ENTPD5: variants seen among roughly 807,000 people sequenced by gnomAD.
ENTPD5 encodes the protein ectonucleoside triphosphate diphosphohydrolase 5 (inactive), also known as nucleoside diphosphate phosphatase ENTPD5.
ENTPD5 carries 49 observed loss-of-function variants against 60.2 expected under a neutral mutation model. The observed-to-expected ratio is 0.81, with a 90% confidence interval of 0.65 to 1.03. ENTPD5 has a LOEUF of 1.03. ENTPD5 is among the 50% of genes least tolerant of loss of function. The pLI is 0.00. For synonymous variants in ENTPD5, 187 were observed against 185.4 expected (o/e 1.01, Z -0.07); for missense variants, 480 against 507.6 (o/e 0.95, Z 0.52).
rs767802270 is a variant in ENTPD5, at chr14:73,972,995, C to T, written c.916G>A (p.Glu306Lys). 13 of 1,614,080 alleles carry T rather than the reference C, an allele frequency of 8.1e-6. No individual in the cohort carries two copies. The highest frequency in any genetic ancestry group is 3.3e-5 in the South Asian group (3 of 91,084). Residue 306 changes from glutamate (E) to lysine (K), a missense_variant, in exon 13 of 16, where the codon GAA becomes AAA. Glu to Lys is a moderately conservative substitution (Grantham distance 56). Coordinates refer to ENST00000334696, the MANE Select transcript of ENTPD5 (RefSeq NM_001249.5). ...GEVGFEPCYA[E>K]VLRVVRGKLH... ...TTTCCTCGTACCACCCTCAGCACTT[C>T]GGCATAGCAGGGCTCAAAGCCCACC...
At chr14:73,958,708 C>T, downstream of ENTPD5, 1 of 1,379,656 alleles carries the variant, frequency 7.2e-7, no homozygotes, top group South Asian at 1.5e-5. Context: ...TTATTGCTCT[C>T]TAGTTCAAAT....
chr14:73,973,168 G>A (rs578209404), intron 12 of ENTPD5, 144 bp from the exon 13 acceptor site: 17 of 976,146 alleles, frequency 1.7e-5, no homozygotes, highest in Admixed American at 1.4e-4. Flanking sequence ...GACAAGAGGC[G>A]TCAAAACAAA....
At chr14:73,986,728 TGAATA>T in intron 5 of ENTPD5, 81 bp downstream of exon 5, 1 of 911,582 alleles carries the variant, frequency 1.1e-6, no homozygotes, top group Non-Finnish European at 1.8e-6. Flanking sequence ...ATCTCATTAG[TGAATA>T]GCATGAAATA....
chr14:73,964,569 G>C lies in ENTPD5; in HGVS notation c.*2359C>G, dbSNP rs986590801. On this transcript the variant is annotated 3_prime_UTR_variant, in exon 16 of 16. Transcript: ENST00000334696. Reference sequence around the variant, plus strand: ...TGGCCCCCACAGTGATTAAAGACCAGAGACTTATATCTCTGCATTTGTCAA... The same window carrying C: ...TGGCCCCCACAGTGATTAAAGACCACAGACTTATATCTCTGCATTTGTCAA... 6.6e-6 allele frequency: 1 copy of C among 152,170 alleles called. No individual in the cohort carries two copies. Among genetic ancestry groups the C allele is most frequent in the Non-Finnish European group, 1.5e-5 (1 of 68,030 alleles). The allele number at this position is 152,170 out of a possible 1,614,324, so 9.4% of individuals were successfully genotyped here. A position where few individuals can be genotyped will look rare whatever the true frequency, so the allele number is the denominator to read the frequency against.
intron 6 of ENTPD5, among the ~76,000 whole-genome samples, chr14:73,978,247 A>C (rs1397379766): frequency 6.7e-6 from 1 of 150,094 alleles, no homozygotes; most frequent in Non-Finnish European, 1.5e-5. Flanking sequence ...TTTGTTCTCA[A>C]AACAGCAGCC....
At chr14:73,976,044 T>G in intron 9 of ENTPD5, 29 bp from the exon 10 acceptor site, 1 of 1,574,570 alleles carries the variant, frequency 6.4e-7, no homozygotes, top group Non-Finnish European at 8.7e-7. Context: ...AAAAAGACTA[T>G]TCAGGATCTG....
intron 3 of ENTPD5, among the ~76,000 whole-genome samples, chr14:73,995,685 GT>G (rs1566751767): frequency 6.6e-6 from 1 of 151,760 alleles, no homozygotes; most frequent in Non-Finnish European, 1.5e-5. Flanking sequence ...TTCAGTGAAG[GT>G]TTTCCCCACA....
chr14:74,009,550 A>G (rs929464976), intron 3 of ENTPD5, among the ~76,000 whole-genome samples: 6 of 152,234 alleles, frequency 3.9e-5, no homozygotes, highest in African/African-American at 1.4e-4. Flanking sequence ...ACATTTTCCC[A>G]AATTTGTCTT....
chr14:73,966,845 C>T lies in ENTPD5; in HGVS notation c.*83G>A. ...CTCTAGGCTCAAGTCCAGGATGTCC[C>T]CAGACTAGTTCAGAAACTAAGTGCT... On this transcript the variant is annotated 3_prime_UTR_variant, in exon 16 of 16. Transcript: ENST00000334696. 9.6e-7 allele frequency: 1 copy of T among 1,042,172 alleles called. No homozygotes were observed. Among genetic ancestry groups the T allele is most frequent in the Admixed American group, 1.8e-5 (1 of 54,212 alleles). 64.6% of individuals were successfully genotyped at this position (1,042,172 alleles called of 1,614,324 possible).
chr14:74,002,751 T>G (rs989135039), intron 3 of ENTPD5, among the ~76,000 whole-genome samples: 2 of 152,200 alleles, frequency 1.3e-5, no homozygotes, highest in Admixed American at 1.3e-4. Flanking sequence ...TTGTCTCCTT[T>G]TAACAAACAA....
At chr14:74,017,318 CAA>C (rs34009014) in intron 1 of ENTPD5, among the ~76,000 whole-genome samples, 1 of 92,362 alleles carries the variant, frequency 1.1e-5, no homozygotes, top group Non-Finnish European at 2.0e-5. Context: ...AACTCCATCT[CAA>C]AAAAAAAGAA....
intron 6 of ENTPD5, among the ~76,000 whole-genome samples, chr14:73,980,415 C>T (rs912902963): frequency 6.6e-6 from 1 of 151,350 alleles, no homozygotes; most frequent in Non-Finnish European, 1.5e-5. Context: ...AGGCGTGAGC[C>T]ACCATGCCCA....
At chr14:73,959,487 G>C (rs754534028), downstream of ENTPD5, 1 of 1,614,194 alleles carries the variant, frequency 6.2e-7, no homozygotes, top group East Asian at 2.2e-5. Context: ...TAGCATGGAT[G>C]AGGAAAAATT....
At chr14:73,976,043 A>G in intron 9 of ENTPD5, 28 bp from the exon 10 acceptor site, 2 of 1,575,284 alleles carry the variant, frequency 1.3e-6, no homozygotes, top group Non-Finnish European at 8.7e-7. Context: ...CAAAAAGACT[A>G]TTCAGGATCT....
chr14:74,001,684 A>AAAAAAAAC (rs2058515143), intron 3 of ENTPD5, among the ~76,000 whole-genome samples: 1 of 145,336 alleles, frequency 6.9e-6, no homozygotes, highest in Non-Finnish European at 1.5e-5. Flanking sequence ...AAAAAAAAAA[A>AAAAAAAAC]AAAAAAAAAA....
chr14:73,999,952 G>C (rs940320772), intron 3 of ENTPD5, among the ~76,000 whole-genome samples: 5 of 151,712 alleles, frequency 3.3e-5, no homozygotes, highest in African/African-American at 1.2e-4. Context: ...GCCAGGCATG[G>C]TGGCATGCAC....
In ENTPD5 at chr14:73,964,496, T is replaced by C. The variant is rs1333981736; in HGVS notation, c.*2432A>G. On this transcript the variant is annotated 3_prime_UTR_variant, in exon 16 of 16. Transcript: ENST00000334696. ...CATCTTCCCTGGAGTTCAGAGGTAT[T>C]TGGGATGACCAAAGGAGTCTGCTGG... The C allele has an allele frequency of 6.6e-6, 1 of 152,212 alleles. No homozygotes were observed. The highest frequency in any genetic ancestry group is 1.9e-4 in the East Asian group (1 of 5,204). The allele number at this position is 152,212 out of a possible 1,614,324, so 9.4% of individuals were successfully genotyped here.
At chr14:73,958,939 G>T, downstream of ENTPD5, 1 of 1,612,608 alleles carries the variant, frequency 6.2e-7, no homozygotes, top group East Asian at 2.2e-5. Flanking sequence ...TGAAGAGGCT[G>T]GAAGACTTAG....
chr14:73,959,116 A>T (rs749481752), downstream of ENTPD5: 4 of 1,614,174 alleles, frequency 2.5e-6, no homozygotes, highest in East Asian at 8.9e-5. Context: ...CTTTATTCAT[A>T]GGCACTAGGT....
Sources: allele counts gnomAD v4.1 joint callset (sites outside exome capture counted in the v4.1 genomes callset), GRCh38; gene constraint gnomAD v4.1.1; transcripts MANE v1.5; gene names NCBI Gene and HGNC (gene_info 2026-07-23, HGNC 2026-07-21).